UBAP1L: variants seen among roughly 807,000 people sequenced by gnomAD.
UBAP1L encodes ubiquitin associated protein 1 like.
A neutral mutation model predicts 32.1 loss-of-function variants in UBAP1L; 32 were observed. The ratio of observed to expected loss-of-function variants is 1.00; its 90% CI spans 0.75 to 1.34. The LOEUF is 1.34. Ranked by LOEUF, UBAP1L falls within the 40% of genes most tolerant of loss-of-function variation. The probability of loss-of-function intolerance (pLI) is 0.00; values close to 1 mark genes in which losing one functional copy is unlikely to be tolerated. For missense variants in UBAP1L, 516 were observed against 540.5 expected (o/e 0.95, Z 0.45); for synonymous variants, 243 against 250.2 (o/e 0.97, Z 0.27).
rs2087222336 is a variant in UBAP1L at position 65,099,998 on chromosome 15, C to G, written c.700-284G>C. On this transcript the variant is annotated intron_variant, in intron 3 of 5. Coordinates refer to ENST00000559089, the MANE Select transcript of UBAP1L (RefSeq NM_001163692.2). ...GTGGCTCATGGCTGTAATCCCAACACTTTGGGAGGCCAAGGCAGGTGGATC... is the reference window on the plus strand; with the variant it reads ...GTGGCTCATGGCTGTAATCCCAACAGTTTGGGAGGCCAAGGCAGGTGGATC... 4 of 252,746 alleles carry G rather than the reference C, an allele frequency of 1.6e-5. No individual in the cohort carries two copies. In the East Asian group the frequency reaches 3.2e-4, roughly 20 times the overall value. The allele number at this position is 252,746 out of a possible 1,614,324, so 15.7% of individuals were successfully genotyped here.
At chr15:65,093,675 C>G (rs1003925292) in intron 5 of UBAP1L, among the ~76,000 whole-genome samples, 1 of 152,230 alleles carries the variant, frequency 6.6e-6, no homozygotes, top group Non-Finnish European at 1.5e-5. Flanking sequence ...CTCACTCTCT[C>G]CTTCTCGAGG....
chr15:65,093,715 T>A (rs1346523377), intron 5 of UBAP1L, among the ~76,000 whole-genome samples: 1 of 152,196 alleles, frequency 6.6e-6, no homozygotes, highest in Non-Finnish European at 1.5e-5. Context: ...CCCTTCAGCC[T>A]CTGTGAAGAG....
intron 2 of UBAP1L, 94 bp downstream of exon 2, chr15:65,106,002 G>A (rs1397262929): frequency 7.9e-6 from 12 of 1,513,186 alleles, no homozygotes; most frequent in South Asian, 7.5e-5. Flanking sequence ...ATGTTGGCCA[G>A]GGCTAGCTGT....
In UBAP1L at chr15:65,102,739, A is replaced by C. The variant is rs2087260057; in HGVS notation, c.121-55T>G. On this transcript the variant is annotated intron_variant, in intron 2 of 5. Coordinates refer to ENST00000559089, the MANE Select transcript of UBAP1L (RefSeq NM_001163692.2). This position sits in a 1 kb window ranked among gnomAD's most constrained non-coding sequence, Gnocchi z 5.0. Reference sequence around the variant, plus strand: ...GGCAAACCAGGACCCCGGGGGCACAACACTAACCCCTGGCCTGGGGGACCC... The same window carrying C: ...GGCAAACCAGGACCCCGGGGGCACACCACTAACCCCTGGCCTGGGGGACCC... 4 of 1,483,398 alleles carry C rather than the reference A, an allele frequency of 2.7e-6. No homozygotes were observed. The South Asian group carries it at 4.9e-5, about 18-fold the overall frequency. 91.9% of individuals were successfully genotyped at this position (1,483,398 alleles called of 1,614,324 possible). A position where few individuals can be genotyped will look rare whatever the true frequency, so the allele number is the denominator to read the frequency against.
intron 1 of UBAP1L, among the ~76,000 whole-genome samples, chr15:65,108,828 T>C (rs2087345934): frequency 6.6e-6 from 1 of 151,550 alleles, no homozygotes; most frequent in African/African-American, 2.4e-5. Flanking sequence ...AGACTAACCA[T>C]GAAGGAAAAT....
In UBAP1L at chr15:65,094,099, G is replaced by A. The variant is rs549302840; in HGVS notation, c.1011+376C>T. 2.6e-4 allele frequency among the ~76,000 whole-genome samples: 40 copies of A among 152,238 alleles called. No individual in the cohort carries two copies. The highest frequency in any genetic ancestry group is 9.1e-4 in the African/African-American group (38 of 41,546). On this transcript the variant is annotated intron_variant, in intron 5 of 5. Transcript: ENST00000559089. The surrounding 1 kb of genome is among the most constrained non-coding windows in gnomAD (Gnocchi z 4.2). ...ACAGCTGCATGCACTTGGGGTAGGC[G>A]GCACGCTCCCCAAGTAGAAAGGTCA...
At chr15:65,106,595 A>G (rs376655761) in intron 1 of UBAP1L, among the ~76,000 whole-genome samples, 2 of 152,304 alleles carry the variant, frequency 1.3e-5, no homozygotes, top group East Asian at 3.9e-4. Flanking sequence ...GGGAAGAAGA[A>G]AATAAGAAAT....
In UBAP1L at chr15:65,094,162, C is replaced by A. The variant is rs2087148595; in HGVS notation, c.1011+313G>T. On this transcript the variant is annotated intron_variant, in intron 5 of 5. Coordinates refer to ENST00000559089, the MANE Select transcript of UBAP1L (RefSeq NM_001163692.2). The surrounding 1 kb of genome is among the most constrained non-coding windows in gnomAD (Gnocchi z 4.2). ...CTGCCCATGGCTCCTATCTGAGTGTCCGACAAAGAGTGGCCATTCAGTCAC... is the reference window on the plus strand; with the variant it reads ...CTGCCCATGGCTCCTATCTGAGTGTACGACAAAGAGTGGCCATTCAGTCAC... Among the ~76,000 whole-genome samples the A allele has an allele frequency of 6.6e-6, 1 of 152,162 alleles. No individual in the cohort carries two copies. The highest frequency in any genetic ancestry group is 2.4e-5 in the African/African-American group (1 of 41,416).
intron 2 of UBAP1L, chr15:65,104,938 C>T (rs1032931914): frequency 1.2e-5 from 5 of 402,594 alleles, no homozygotes; most frequent in Non-Finnish European, 2.5e-5. Flanking sequence ...ACCGAGGAGT[C>T]GGAGGTTGCA....
At chr15:65,099,445 A>G in intron 4 of UBAP1L, 60 bp downstream of exon 4, 1 of 1,509,982 alleles carries the variant, frequency 6.6e-7, no homozygotes, top group Non-Finnish European at 8.9e-7. Flanking sequence ...GGTGAAAATC[A>G]TGTGGCCACT....
chr15:65,114,183 CTTT>C (rs75250904), intron 1 of UBAP1L, among the ~76,000 whole-genome samples: 6 of 137,990 alleles, frequency 4.3e-5, no homozygotes, highest in Admixed American at 7.3e-5. Context: ...CGCGCCCAGC[CTTT>C]TTTTTTTTTT....
rs2087255401 is a variant in UBAP1L, at chr15:65,102,447, C to A, written c.358G>T (p.Glu120Ter). 1.4e-6 allele frequency: 2 copies of A among 1,424,476 alleles called. No homozygotes were observed. The highest frequency in any genetic ancestry group is 1.8e-6 in the Non-Finnish European group (2 of 1,090,326). 88.2% of individuals were successfully genotyped at this position (1,424,476 alleles called of 1,614,324 possible). A position where few individuals can be genotyped will look rare whatever the true frequency, so the allele number is the denominator to read the frequency against. Residue 120 changes from glutamate (E) to a stop codon, truncating the protein, a stop_gained, in exon 3 of 6, where the codon GAG becomes TAG. Coordinates refer to ENST00000559089, the MANE Select transcript of UBAP1L (RefSeq NM_001163692.2). LOFTEE classifies it high-confidence loss of function. This position sits in a 1 kb window ranked among gnomAD's most constrained non-coding sequence, Gnocchi z 5.0. ...AGGCTGCTGGGGGCCGGCTCTTCCT[C>A]GCTGCCAGAGGAGGCTTCTGCCTCG... ...EDEAEASSGS[E>*]EEPAPSSLQP...
chr15:65,105,283 C>T (rs1161049973), intron 2 of UBAP1L, among the ~76,000 whole-genome samples: 6 of 151,706 alleles, frequency 4.0e-5, no homozygotes, highest in African/African-American at 1.2e-4. Context: ...AAGACCAGCC[C>T]GGGCAACATG....
Position 65,102,404 on chromosome 15 carries a change from G to C in UBAP1L, c.401C>G (p.Ala134Gly), listed in dbSNP as rs767623626. The C allele has an allele frequency of 2.8e-6, 4 of 1,429,372 alleles. No homozygotes were observed. The South Asian group carries it at 4.4e-5, about 16-fold the overall frequency. 88.5% of individuals were successfully genotyped at this position (1,429,372 alleles called of 1,614,324 possible). Residue 134 changes from alanine to glycine, a missense_variant, in exon 3 of 6, where the codon GCG becomes GGG. By Grantham distance (60) the Ala-to-Gly change is moderately conservative. Coordinates refer to ENST00000559089, the MANE Select transcript of UBAP1L (RefSeq NM_001163692.2). The surrounding 1 kb of genome is among the most constrained non-coding windows in gnomAD (Gnocchi z 5.0). ...APSSLQPGSP[A>G]SPGPGRRLCS... Reference sequence around the variant, plus strand: ...CAGGCGACGGCCGGGGCCGGGGCTCGCCGGGGAGCCCGGTTGGAGGCTGCT... The same window carrying C: ...CAGGCGACGGCCGGGGCCGGGGCTCCCCGGGGAGCCCGGTTGGAGGCTGCT...
chr15:65,107,170 T>C (rs1220912421), intron 1 of UBAP1L, among the ~76,000 whole-genome samples: 1 of 151,944 alleles, frequency 6.6e-6, no homozygotes, highest in African/African-American at 2.4e-5. Flanking sequence ...TATAGCTTCA[T>C]AGATGCAGAA....
Position 65,093,128 on chromosome 15 carries a change from G to A in UBAP1L, c.1115C>T (p.Ala372Val). 1.3e-6 allele frequency: 2 copies of A among 1,550,054 alleles called. No individual in the cohort carries two copies. Among genetic ancestry groups the A allele is most frequent in the Non-Finnish European group, 1.7e-6 (2 of 1,146,802 alleles). ...GGCACAGGCCACCAGCTCCTCCAGG[G>A]CTTGCTCTCGGCGGTTGCCATGGAC... ...LLVHGNRREQ[A>V]LEELVACAQ is the part of the protein sequence containing the mutation. The change falls in exon 6 of 6, where the codon GCC becomes GTC. Residue 372 changes from alanine (A) to valine (V), a missense_variant. Transcript: ENST00000559089.
Position 65,102,753 on chromosome 15 carries a change from C to T in UBAP1L, c.121-69G>A, listed in dbSNP as rs993670360. 1 of 1,380,776 alleles carries T rather than the reference C, an allele frequency of 7.2e-7. No homozygotes were observed. Among genetic ancestry groups the T allele is most frequent in the African/African-American group, 1.5e-5 (1 of 68,420 alleles). The allele number at this position is 1,380,776 out of a possible 1,614,324, so 85.5% of individuals were successfully genotyped here. A position where few individuals can be genotyped will look rare whatever the true frequency, so the allele number is the denominator to read the frequency against. On this transcript the variant is annotated intron_variant, in intron 2 of 5. Transcript: ENST00000559089. This position sits in a 1 kb window ranked among gnomAD's most constrained non-coding sequence, Gnocchi z 5.0. ...CCGGGGGCACAACACTAACCCCTGG[C>T]CTGGGGGACCCTGTTCAGCCAGAGA...
Position 65,102,619 on chromosome 15 carries a change from C to T in UBAP1L, c.186G>A (p.Pro62=). The change falls in exon 3 of 6, where the codon CCG becomes CCA. Residue 62 remains proline (P), a synonymous_variant. Coordinates refer to ENST00000559089, the MANE Select transcript of UBAP1L (RefSeq NM_001163692.2). This position sits in a 1 kb window ranked among gnomAD's most constrained non-coding sequence, Gnocchi z 5.0. ...CTGTCCCCGGGTCACCGCACTGGTA[C>T]GGGCTGGGTCCCTGGCCGGCGGCCT... ...WVEAAGQGPS[P]YQCGDPGTAS... 3.2e-6 allele frequency: 5 copies of T among 1,549,486 alleles called. No homozygotes were observed. The South Asian group carries it at 3.6e-5, about 11-fold the overall frequency.
In UBAP1L at chr15:65,094,176, C is replaced by T. The variant is rs1480841430; in HGVS notation, c.1011+299G>A. On this transcript the variant is annotated intron_variant, in intron 5 of 5. Transcript: ENST00000559089. The surrounding 1 kb of genome is among the most constrained non-coding windows in gnomAD (Gnocchi z 4.2). ...TATCTGAGTGTCCGACAAAGAGTGG[C>T]CATTCAGTCACAGAGGCTGTGTTGA... Among the ~76,000 whole-genome samples, 4 of 152,142 alleles carry T rather than the reference C, an allele frequency of 2.6e-5. No individual in the cohort carries two copies. Among genetic ancestry groups the T allele is most frequent in the Non-Finnish European group, 4.4e-5 (3 of 68,020 alleles).
Sources: allele counts gnomAD v4.1 joint callset (sites outside exome capture counted in the v4.1 genomes callset), GRCh38; gene constraint gnomAD v4.1.1; non-coding constraint Gnocchi (gnomAD v3.1); transcripts MANE v1.5; gene names NCBI Gene and HGNC (gene_info 2026-07-23, HGNC 2026-07-21).